Variants in LRP1B observed in about 807,000 individuals in gnomAD.
The protein encoded by LRP1B is low-density lipoprotein receptor-related protein 1B.
LRP1B carries 217 observed loss-of-function variants against 556.6 expected under a neutral mutation model. The observed-to-expected ratio is 0.39, with a 90% CI of 0.35 to 0.44. The LOEUF (loss-of-function observed/expected upper bound fraction) is 0.44. LRP1B is among the 20% of genes least tolerant of loss of function. The probability of loss-of-function intolerance (pLI) is 1.00; values close to 1 mark genes in which losing one functional copy is unlikely to be tolerated. For missense variants in LRP1B, 5,053 were observed against 5,620.8 expected (o/e 0.90, Z 3.23); for synonymous variants, 2,047 against 1,865.8 (o/e 1.10, Z -2.50).
chr2:140,269,792 G>A (rs1226408653), intron 86 of LRP1B, among the ~76,000 whole-genome samples: 1 of 151,800 alleles, frequency 6.6e-6, no homozygotes, highest in South Asian at 2.1e-4. Flanking sequence ...GGAGCCAGGG[G>A]CTTAATAGGT....
intron 2 of LRP1B, among the ~76,000 whole-genome samples, chr2:141,620,923 T>C (rs967089806): frequency 6.9e-5 from 10 of 144,620 alleles, no homozygotes; most frequent in African/African-American, 2.1e-4. Flanking sequence ...TTCCAAAAAG[T>C]CATGAAGAAT....
chr2:141,443,300 G>A (rs1255053692), intron 3 of LRP1B, among the ~76,000 whole-genome samples: 1 of 152,022 alleles, frequency 6.6e-6, no homozygotes, highest in Non-Finnish European at 1.5e-5. Context: ...TTGTAAATTT[G>A]TTTAAGTTTC....
intron 67 of LRP1B, among the ~76,000 whole-genome samples, chr2:140,384,564 G>T (rs1006759164): frequency 6.6e-6 from 1 of 152,108 alleles, no homozygotes; most frequent in Non-Finnish European, 1.5e-5. Flanking sequence ...TATATTCAGG[G>T]TATTCTGTAA....
At chr2:140,704,564 GA>G (rs1239940471) in intron 37 of LRP1B, among the ~76,000 whole-genome samples, 1 of 152,060 alleles carries the variant, frequency 6.6e-6, no homozygotes, top group Non-Finnish European at 1.5e-5. Context: ...TTAACGTCAA[GA>G]TTTTTAAGAC....
At chr2:140,262,221 C>T (rs1681978374) in intron 86 of LRP1B, among the ~76,000 whole-genome samples, 1 of 152,026 alleles carries the variant, frequency 6.6e-6, no homozygotes, top group South Asian at 2.1e-4. Flanking sequence ...AACAAGTTAC[C>T]TTAATAACAC....
At chr2:142,116,377 A>G (rs1707277742) in intron 1 of LRP1B, among the ~76,000 whole-genome samples, 1 of 151,990 alleles carries the variant, frequency 6.6e-6, no homozygotes, top group African/African-American at 2.4e-5. Context: ...AGACAAAGCC[A>G]AATTGTAGGA....
chr2:141,294,380 T>A (rs1378237206), intron 3 of LRP1B, among the ~76,000 whole-genome samples: 1 of 151,810 alleles, frequency 6.6e-6, no homozygotes, highest in African/African-American at 2.4e-5. Context: ...ATGTTTTAAT[T>A]TAATAATAGA....
chr2:141,192,999 A>T (rs933111754), intron 6 of LRP1B, among the ~76,000 whole-genome samples: 6 of 151,960 alleles, frequency 3.9e-5, no homozygotes, highest in Non-Finnish European at 7.4e-5. Context: ...TGACACATCA[A>T]TTTTTTTGTT....
chr2:141,012,748 C>T (rs1285210732), intron 14 of LRP1B, among the ~76,000 whole-genome samples: 1 of 151,840 alleles, frequency 6.6e-6, no homozygotes, highest in Admixed American at 6.6e-5. Flanking sequence ...TCTTCAAAAA[C>T]TCTGTTGCTA....
At chr2:141,383,307 C>T (rs62165750) in intron 3 of LRP1B, among the ~76,000 whole-genome samples, 97,359 of 151,884 alleles carry the variant, frequency 0.64, 32,186 homozygotes, top group Non-Finnish European at 0.73. Flanking sequence ...ATAGAGGCTC[C>T]TCAAAAAATA....
At chr2:141,123,267 A>AAAT in intron 7 of LRP1B, among the ~76,000 whole-genome samples, 1 of 151,574 alleles carries the variant, frequency 6.6e-6, no homozygotes, top group African/African-American at 2.4e-5. Flanking sequence ...AATAAATAAA[A>AAAT]AAAAGAAAGT....
At chr2:141,498,718 C>T (rs1683607842) in intron 2 of LRP1B, among the ~76,000 whole-genome samples, 1 of 152,076 alleles carries the variant, frequency 6.6e-6, no homozygotes, top group African/African-American at 2.4e-5. Flanking sequence ...CATATCTTTT[C>T]AGTCATTCCA....
intron 21 of LRP1B, among the ~76,000 whole-genome samples, chr2:140,910,181 G>A (rs985490084): frequency 9.9e-5 from 15 of 150,812 alleles, no homozygotes; most frequent in Admixed American, 8.0e-4. Context: ...TGTAATAGTA[G>A]TTAAAATACT....
intron 15 of LRP1B, among the ~76,000 whole-genome samples, chr2:141,001,471 T>C (rs1451791969): frequency 6.6e-6 from 1 of 151,982 alleles, no homozygotes; most frequent in East Asian, 1.9e-4. Context: ...CCCTCCTCCG[T>C]CCCCCACCTC....
At chr2:140,557,097 A>G (rs1286920427) in intron 43 of LRP1B, among the ~76,000 whole-genome samples, 1 of 152,118 alleles carries the variant, frequency 6.6e-6, no homozygotes, top group East Asian at 1.9e-4. Context: ...TCTAGTTTTC[A>G]ATCAAATTTA....
intron 7 of LRP1B, among the ~76,000 whole-genome samples, chr2:141,108,334 CTTTTTTTTTTTT>C (rs60275697): frequency 0.053 from 4,706 of 88,382 alleles, 87 homozygotes; most frequent in Middle Eastern, 0.092. Flanking sequence ...TAATCTGTTT[CTTTTTTTTTTTT>C]TTTTTTTTTT....
chr2:141,377,422 A>G (rs1278935298), intron 3 of LRP1B, among the ~76,000 whole-genome samples: 1 of 151,900 alleles, frequency 6.6e-6, no homozygotes, highest in African/African-American at 2.4e-5. Context: ...CTTTCTTTTC[A>G]TTCATGGATT....
At chr2:140,897,793 C>G (rs10188623) in intron 23 of LRP1B, among the ~76,000 whole-genome samples, 1 of 151,934 alleles carries the variant, frequency 6.6e-6, no homozygotes, top group African/African-American at 2.4e-5. Flanking sequence ...CAGGGGCTCT[C>G]GCACCTTCAG....
At chr2:140,714,504 T>C (rs1408993301) in intron 37 of LRP1B, among the ~76,000 whole-genome samples, 1 of 152,118 alleles carries the variant, frequency 6.6e-6, no homozygotes, top group Non-Finnish European at 1.5e-5. Context: ...GATTGACATG[T>C]AGCAGCAAAA....
Sources: gnomAD v4.1 joint callset for allele counts (sites outside exome capture counted in the v4.1 genomes callset) on GRCh38, gnomAD v4.1.1 for gene constraint, MANE v1.5 for transcripts, NCBI Gene and HGNC (gene_info 2026-07-23, HGNC 2026-07-21) for gene names.